Variants in SNX30 observed in about 807,000 individuals in gnomAD.
SNX30 encodes sorting nexin-30.
SNX30 carries 24 observed loss-of-function variants against 46.4 expected under a neutral mutation model. The observed-to-expected ratio is 0.52, with a 90% CI of 0.37 to 0.73. SNX30 has a LOEUF of 0.73. SNX30 is among the 30% of genes least tolerant of loss of function. The pLI, the probability that SNX30 is intolerant of heterozygous loss-of-function variation, is 0.00. For missense variants in SNX30, 533 were observed against 555.7 expected (o/e 0.96, Z 0.41); for synonymous variants, 189 against 211.5 (o/e 0.89, Z 0.92).
chr9:112,850,540 G>A (rs891481511), intron 6 of SNX30, among the ~76,000 whole-genome samples: 1 of 152,258 alleles, frequency 6.6e-6, no homozygotes, highest in Admixed American at 6.5e-5. Flanking sequence ...ACAGTGACGC[G>A]GAGAGTCCTC....
intron 1 of SNX30, among the ~76,000 whole-genome samples, chr9:112,763,001 A>C (rs1234195970): frequency 4.6e-5 from 7 of 152,112 alleles, no homozygotes; most frequent in Non-Finnish European, 7.3e-5. Flanking sequence ...GGTGCTTTCT[A>C]GCCTGCCCCA....
chr9:112,792,882 C>CTTTTT (rs11447466), intron 1 of SNX30, among the ~76,000 whole-genome samples: 5 of 146,796 alleles, frequency 3.4e-5, no homozygotes, highest in Non-Finnish European at 4.5e-5. Context: ...TTTCTTTAGG[C>CTTTTT]TTTTTTTTTT....
At chr9:112,817,622 T>G in intron 2 of SNX30, 83 bp from the exon 3 acceptor site, 1 of 795,210 alleles carries the variant, frequency 1.3e-6, no homozygotes, top group Non-Finnish European at 2.2e-6. Context: ...CCTAGTTTGG[T>G]TATTCTAAGA....
At chr9:112,792,935 G>A (rs1191067357) in intron 1 of SNX30, among the ~76,000 whole-genome samples, 14 of 150,346 alleles carry the variant, frequency 9.3e-5, no homozygotes, top group Admixed American at 9.3e-4. Context: ...TGGCCTAAAG[G>A]GTTCTGTTTT....
At chr9:112,863,357 C>T (rs949805451) in intron 7 of SNX30, among the ~76,000 whole-genome samples, 20 of 152,324 alleles carry the variant, frequency 1.3e-4, no homozygotes, top group African/African-American at 4.8e-4. Flanking sequence ...TGTCGGCTCC[C>T]TGGCCGCCAT....
At chr9:112,863,183 G>A (rs1370842555) in intron 7 of SNX30, among the ~76,000 whole-genome samples, 1 of 152,194 alleles carries the variant, frequency 6.6e-6, no homozygotes, top group Non-Finnish European at 1.5e-5. Context: ...CCTTGTCCAC[G>A]AGGCTTGGGT....
intron 1 of SNX30, among the ~76,000 whole-genome samples, chr9:112,782,126 G>A (rs941859832): frequency 6.6e-6 from 1 of 152,182 alleles, no homozygotes; most frequent in African/African-American, 2.4e-5. Context: ...GAGTGCAATG[G>A]TGCAACCTCG....
intron 1 of SNX30, among the ~76,000 whole-genome samples, chr9:112,804,322 G>A (rs1259213423): frequency 1.3e-5 from 2 of 152,234 alleles, no homozygotes; most frequent in Non-Finnish European, 2.9e-5. Context: ...GCACCACCAT[G>A]TCCAGCTAAT....
chr9:112,854,851 G>C (rs1473692016), intron 7 of SNX30, among the ~76,000 whole-genome samples: 1 of 152,184 alleles, frequency 6.6e-6, no homozygotes, highest in Non-Finnish European at 1.5e-5. Flanking sequence ...GGCCTCAGTT[G>C]CCTCCCACAC....
At chr9:112,779,890 G>T (rs1008958759) in intron 1 of SNX30, among the ~76,000 whole-genome samples, 3 of 152,158 alleles carry the variant, frequency 2.0e-5, no homozygotes, top group African/African-American at 7.2e-5. Context: ...GCTCTGAGGG[G>T]ACGTGGGGAA....
intron 2 of SNX30, among the ~76,000 whole-genome samples, chr9:112,812,159 A>T (rs921098249): frequency 2.6e-5 from 4 of 151,816 alleles, no homozygotes; most frequent in Admixed American, 1.3e-4. Context: ...ATGTCATTTG[A>T]TTGTATTTTA....
intron 7 of SNX30, among the ~76,000 whole-genome samples, chr9:112,855,638 G>A (rs1207391450): frequency 6.6e-6 from 1 of 152,096 alleles, no homozygotes; most frequent in Non-Finnish European, 1.5e-5. Context: ...GGCAGAGGAT[G>A]CGGAGGCCTC....
intron 2 of SNX30, among the ~76,000 whole-genome samples, chr9:112,816,617 G>A (rs998094237): frequency 3.9e-5 from 6 of 152,264 alleles, no homozygotes; most frequent in Admixed American, 1.3e-4. Context: ...ACAGGTTTTG[G>A]GGAGGATGAA....
chr9:112,859,707 A>G (rs1588141377), intron 7 of SNX30, among the ~76,000 whole-genome samples: 1 of 145,248 alleles, frequency 6.9e-6, no homozygotes, highest in Middle Eastern at 3.9e-3. Context: ...CGCCTCCCGG[A>G]GACCAGCCAG....
chr9:112,779,523 C>T (rs576942147), intron 1 of SNX30, among the ~76,000 whole-genome samples: 3 of 152,088 alleles, frequency 2.0e-5, no homozygotes, highest in South Asian at 2.1e-4. Context: ...TGGTGAAACC[C>T]GTCTCTACTA....
intron 1 of SNX30, among the ~76,000 whole-genome samples, chr9:112,766,608 CT>C (rs1220667305): frequency 4.6e-5 from 7 of 152,202 alleles, no homozygotes; most frequent in Admixed American, 3.3e-4. Context: ...CATTAAATGA[CT>C]GCTGCCATTC....
chr9:112,758,736 C>T (rs1281650586), intron 1 of SNX30, among the ~76,000 whole-genome samples: 2 of 152,010 alleles, frequency 1.3e-5, no homozygotes, highest in Admixed American at 1.3e-4. Context: ...AGTGGCTGGG[C>T]GTGGTGGCTC....
intron 4 of SNX30, among the ~76,000 whole-genome samples, chr9:112,833,607 C>A (rs1423036253): frequency 6.6e-6 from 1 of 152,284 alleles, no homozygotes; most frequent in Non-Finnish European, 1.5e-5. Flanking sequence ...GTGGGTACAG[C>A]AATCAGATGG....
At chr9:112,781,017 A>C (rs1588113930) in intron 1 of SNX30, among the ~76,000 whole-genome samples, 1 of 152,304 alleles carries the variant, frequency 6.6e-6, no homozygotes, top group East Asian at 1.9e-4. Flanking sequence ...TCCAGCCTAC[A>C]TTCTCTCTTG....
Sources: allele counts gnomAD v4.1 joint callset (sites outside exome capture counted in the v4.1 genomes callset), GRCh38; gene constraint gnomAD v4.1.1; transcripts MANE v1.5; gene names NCBI Gene and HGNC (gene_info 2026-07-23, HGNC 2026-07-21).